Variants in TJP1 observed in about 807,000 individuals in gnomAD.
TJP1 encodes the protein tight junction protein ZO-1.
In TJP1, 43 loss-of-function variants were observed where a neutral mutation model predicts 194.2. The ratio of observed to expected loss-of-function variants is 0.22; its 90% CI spans 0.17 to 0.29. The LOEUF (loss-of-function observed/expected upper bound fraction) is 0.29. TJP1 is among the 10% of genes least tolerant of loss of function. TJP1 has a pLI of 1.00. For synonymous variants in TJP1, 801 were observed against 779.0 expected (o/e 1.03, Z -0.47); for missense variants, 1,971 against 2,185.7 (o/e 0.90, Z 1.96).
intron 2 of TJP1, among the ~76,000 whole-genome samples, chr15:29,780,796 GATAGGAAT>G (rs1482673821): frequency 2.0e-5 from 3 of 152,108 alleles, no homozygotes; most frequent in Non-Finnish European, 4.4e-5. Flanking sequence ...GGTCATTTTA[GATAGGAAT>G]ATAAGACCAA....
In TJP1 at chr15:29,719,768, C is replaced by T; in HGVS notation, c.3003+9G>A. 6.2e-7 allele frequency: 1 copy of T among 1,610,328 alleles called. No individual in the cohort carries two copies. Among genetic ancestry groups the T allele is most frequent in the Non-Finnish European group, 8.5e-7 (1 of 1,177,664 alleles). ...GCAACAAATTAGTGCAACACCGCAG[C>T]ACAGGTACCTTTGTTGGATCTACAT... On this transcript the variant is annotated intron_variant, in intron 20 of 27. Coordinates refer to ENST00000614355, the MANE Select transcript of TJP1 (RefSeq NM_001330239.4).
intron 1 of TJP1, among the ~76,000 whole-genome samples, chr15:29,801,162 G>T (rs1400103724): frequency 6.6e-6 from 1 of 152,130 alleles, no homozygotes; most frequent in Non-Finnish European, 1.5e-5. Flanking sequence ...AATAGGTTTG[G>T]CAAATGGCTG....
At chr15:29,814,416 G>C (rs1322025133) in intron 1 of TJP1, among the ~76,000 whole-genome samples, 1 of 152,120 alleles carries the variant, frequency 6.6e-6, no homozygotes, top group Non-Finnish European at 1.5e-5. Context: ...TATGTGTTAA[G>C]CTAACAAAAA....
intron 2 of TJP1, among the ~76,000 whole-genome samples, chr15:29,790,404 T>C (rs2047994389): frequency 6.6e-6 from 1 of 151,714 alleles, no homozygotes; most frequent in Admixed American, 6.6e-5. Context: ...TTTTTATTTT[T>C]AATTATTATA....
intron 8 of TJP1, among the ~76,000 whole-genome samples, chr15:29,757,302 AAG>A (rs1407500507): frequency 2.0e-5 from 3 of 152,358 alleles, no homozygotes; most frequent in African/African-American, 7.2e-5. Flanking sequence ...GATGTTTGCC[AAG>A]ACAGACTTCC....
chr15:29,881,956 G>T (rs1049458380), intron 2 of TJP1, among the ~76,000 whole-genome samples: 2 of 151,146 alleles, frequency 1.3e-5, no homozygotes, highest in Non-Finnish European at 2.9e-5. Flanking sequence ...GATATATATA[G>T]ATATATATAT....
chr15:29,922,093 C>A (rs534239876), intron 2 of TJP1, among the ~76,000 whole-genome samples: 2 of 152,106 alleles, frequency 1.3e-5, no homozygotes, highest in Non-Finnish European at 1.5e-5. Flanking sequence ...ATGATCCATC[C>A]GCCCTAGGCT....
intron 1 of TJP1, among the ~76,000 whole-genome samples, chr15:29,801,078 C>G (rs769347623): frequency 7.9e-5 from 12 of 152,002 alleles, no homozygotes; most frequent in Non-Finnish European, 1.6e-4. Context: ...GTTTTACAAA[C>G]GAAGGGAAAG....
At chr15:29,739,569 G>A (rs12440602) in intron 10 of TJP1, among the ~76,000 whole-genome samples, 120,053 of 151,376 alleles carry the variant, frequency 0.79, 48,066 homozygotes, top group East Asian at 0.86. Context: ...TCAGCCTCCC[G>A]AGTAGCTGGG....
At chr15:29,890,991 A>G (rs1358938892) in intron 2 of TJP1, among the ~76,000 whole-genome samples, 2 of 152,178 alleles carry the variant, frequency 1.3e-5, no homozygotes, top group African/African-American at 2.4e-5. Flanking sequence ...GCCAAGCTCT[A>G]CCTCCCTGCC....
In TJP1 at chr15:29,854,051, C is replaced by T. The variant is rs563891799; in HGVS notation, c.307-53349G>A. Among the ~76,000 whole-genome samples, 193 of 152,186 alleles carry T rather than the reference C, an allele frequency of 1.3e-3. 2 individuals carry two copies. The highest frequency in any genetic ancestry group is 4.5e-3 in the African/African-American group (185 of 41,520). ...GTTTTTTCACTTAGTTTATAGTACA[C>T]GCAAAAATAACATGGCCAGTCTCTT... On this transcript the variant is annotated intron_variant, in intron 2 of 28. Transcript: ENST00000356107.
At chr15:29,840,776 G>A (rs2051197091) in intron 2 of TJP1, among the ~76,000 whole-genome samples, 1 of 152,178 alleles carries the variant, frequency 6.6e-6, no homozygotes, top group Non-Finnish European at 1.5e-5. Context: ...TATGCCAGGT[G>A]TTTGGGATAG....
rs908574165 is a variant in TJP1, at chr15:29,730,650, G to T, written c.2017+1783C>A. On this transcript the variant is annotated intron_variant, in intron 15 of 27. Coordinates refer to ENST00000614355, the MANE Select transcript of TJP1 (RefSeq NM_001330239.4). ...AAGAGGCGAGAACGACCCCCGGACC[G>T]ACCAAAGCCCGCGTGCCGCTGCATC... 7 of 686,170 alleles carry T rather than the reference G, an allele frequency of 1.0e-5. No homozygotes were observed. In the African/African-American group the frequency reaches 1.1e-4, roughly 10 times the overall value. 42.5% of individuals were successfully genotyped at this position (686,170 alleles called of 1,614,324 possible).
At chr15:29,790,480 A>C (rs115508680) in intron 2 of TJP1, among the ~76,000 whole-genome samples, 1,985 of 152,312 alleles carry the variant, frequency 0.013, 52 homozygotes, top group East Asian at 0.097. Flanking sequence ...ATAATGTGTA[A>C]CGATTAAATC....
At chr15:29,908,831 C>T (rs1325978213) in intron 2 of TJP1, among the ~76,000 whole-genome samples, 1 of 151,806 alleles carries the variant, frequency 6.6e-6, no homozygotes, top group Non-Finnish European at 1.5e-5. Flanking sequence ...CCAGCCTGGC[C>T]AACATGGTGA....
At chr15:29,875,457 T>C (rs1196556220) in intron 2 of TJP1, among the ~76,000 whole-genome samples, 1 of 152,226 alleles carries the variant, frequency 6.6e-6, no homozygotes, top group East Asian at 1.9e-4. Flanking sequence ...AAATCATGCA[T>C]TTGCTTTTGT....
intron 1 of TJP1, among the ~76,000 whole-genome samples, chr15:29,813,782 C>T (rs193044257): frequency 2.4e-4 from 36 of 152,302 alleles, no homozygotes; most frequent in Admixed American, 2.1e-3. Flanking sequence ...CTGCTCTCTA[C>T]CCGCACCATT....
downstream of TJP1, chr15:29,699,708 G>A (rs1007494137): frequency 1.3e-5 from 2 of 152,294 alleles, no homozygotes; most frequent in Non-Finnish European, 1.5e-5. Flanking sequence ...TAAGTAAGTA[G>A]GATGTCCACA....
At chr15:29,780,369 T>C (rs1371147525) in intron 2 of TJP1, among the ~76,000 whole-genome samples, 2 of 151,980 alleles carry the variant, frequency 1.3e-5, no homozygotes, top group African/African-American at 4.8e-5. Flanking sequence ...CCTAGATCCC[T>C]TGCATGCATG....
Sources: allele counts gnomAD v4.1 joint callset (sites outside exome capture counted in the v4.1 genomes callset), GRCh38; gene constraint gnomAD v4.1.1; transcripts MANE v1.5; gene names NCBI Gene and HGNC (gene_info 2026-07-23, HGNC 2026-07-21).